The following ITGB4 variants were observed in gnomAD, a reference collection of about 807,000 sequenced individuals.
ITGB4 encodes the protein integrin subunit beta 4, also known as integrin beta-4.
ITGB4 carries 159 observed loss-of-function variants against 207.6 expected under a neutral mutation model. The observed-to-expected ratio is 0.77, with a 90% CI of 0.67 to 0.87. The LOEUF (loss-of-function observed/expected upper bound fraction) is 0.87. Ranked by LOEUF, ITGB4 falls within the 40% of genes least tolerant of loss-of-function variation. The pLI, the probability that ITGB4 is intolerant of heterozygous loss-of-function variation, is 0.00. For missense variants in ITGB4, 2,278 were observed against 2,546.8 expected, an observed-to-expected ratio of 0.89 and a Z score of 2.27; for synonymous variants, 1,020 against 1,062.7, an observed-to-expected ratio of 0.96 and a Z score of 0.78.
rs2061089081 is a variant in ITGB4, at chr17:75,740,734, C to T, written c.2551-59C>T. ...CTGCCTGGCTCCCTGGGTCCCCAGC[C>T]TGAGGGCTTGCCACGGGGTGGCCTA... On this transcript the variant is annotated intron_variant, in intron 21 of 39. Coordinates refer to ENST00000200181, the MANE Select transcript of ITGB4 (RefSeq NM_000213.5). This position sits in a 1 kb window ranked among gnomAD's most constrained non-coding sequence, Gnocchi z 5.9. The T allele has an allele frequency of 2.5e-6, 4 of 1,589,084 alleles. No individual in the cohort carries two copies. The highest frequency in any genetic ancestry group is 4.4e-4 in the Middle Eastern group (2 of 4,544).
rs759189560 is a variant in ITGB4, at chr17:75,757,556, C to T, written c.*1C>T. On this transcript the variant is annotated 3_prime_UTR_variant, in exon 40 of 40. Coordinates refer to ENST00000200181, the MANE Select transcript of ITGB4 (RefSeq NM_000213.5). Reference sequence around the variant, plus strand: ...GGACCAACAGTTCTTCCAAACTTGACCGCACCCTGCCCCACCCCCGCCACG... The same window carrying T: ...GGACCAACAGTTCTTCCAAACTTGATCGCACCCTGCCCCACCCCCGCCACG... 32 of 1,613,378 alleles carry T rather than the reference C, an allele frequency of 2.0e-5. 1 individual carries two copies. The South Asian group carries it at 3.5e-4, about 18-fold the overall frequency.
Position 75,731,243 on chromosome 17 carries a change from T to C in ITGB4, c.1093-3T>C, listed in dbSNP as rs1346166575. The C allele has an allele frequency of 1.2e-6, 2 of 1,613,284 alleles. No homozygotes were observed. Among genetic ancestry groups the C allele is most frequent in the Admixed American group, 1.7e-5 (1 of 60,018 alleles). On this transcript the variant is annotated splice_region_variant and splice_polypyrimidine_tract_variant and intron_variant, in intron 9 of 39. Transcript: ENST00000200181. This position sits in a 1 kb window ranked among gnomAD's most constrained non-coding sequence, Gnocchi z 6.8. ...GCACTGATCAACCTCCTTCCTCCTT[T>C]AGCGGATCCGCTCCAACCTGGACAT...
rs149558612 is a variant in ITGB4 at position 75,736,082 on chromosome 17, G to T, written c.1689G>T (p.Val563=). ...DRGRCSMGQC[V]CEPGWTGPSC... Reference sequence around the variant, plus strand: ...GACGCTGCTCCATGGGCCAGTGTGTGTGTGAGCCTGGTTGGACAGGCCCAA... The same window carrying T: ...GACGCTGCTCCATGGGCCAGTGTGTTTGTGAGCCTGGTTGGACAGGCCCAA... Residue 563 remains valine (V), a synonymous_variant, in exon 14 of 40, where the codon GTG becomes GTT. Transcript: ENST00000200181. The T allele has an allele frequency of 2.5e-6, 4 of 1,614,064 alleles. No homozygotes were observed. In the African/African-American group the frequency reaches 5.3e-5, roughly 22 times the overall value.
chr17:75,736,142 C>G lies in ITGB4; in HGVS notation c.1749C>G (p.Ile583Met), dbSNP rs144302042. 1.2e-6 allele frequency: 2 copies of G among 1,614,078 alleles called. No individual in the cohort carries two copies. Among genetic ancestry groups the G allele is most frequent in the East Asian group, 4.5e-5 (2 of 44,886 alleles). Residue 583 changes from isoleucine (I) to methionine (M), a missense_variant, in exon 14 of 40, where the codon ATC (isoleucine) becomes ATG (methionine). By Grantham distance (10) the Ile-to-Met change is conservative. Coordinates refer to ENST00000200181, the MANE Select transcript of ITGB4 (RefSeq NM_000213.5). ...GTCCCCTCAGCAATGCCACCTGCAT[C>G]GACAGCAATGGGGTAGGCCTGGGCA... ...CDCPLSNATCIDSNGGICNGR... is the reference protein window; with the variant it reads ...CDCPLSNATCMDSNGGICNGR...
intron 13 of ITGB4, among the ~76,000 whole-genome samples, chr17:75,735,764 G>A (rs2060961744): frequency 6.6e-6 from 1 of 152,136 alleles, no homozygotes; most frequent in Admixed American, 6.6e-5. Context: ...TGACCTTATT[G>A]CATTGGCAGG....
chr17:75,734,130 T>G lies in ITGB4; in HGVS notation c.1657+438T>G, dbSNP rs924240561. 3.4e-4 allele frequency among the ~76,000 whole-genome samples: 29 copies of G among 84,880 alleles called. No individual in the cohort carries two copies. The East Asian group carries it at 4.1e-3, about 12-fold the overall frequency. 55.7% of individuals were successfully genotyped at this position (84,880 alleles called of 152,430 possible). A position where few individuals can be genotyped will look rare whatever the true frequency, so the allele number is the denominator to read the frequency against. On this transcript the variant is annotated intron_variant, in intron 13 of 39. Coordinates refer to ENST00000200181, the MANE Select transcript of ITGB4 (RefSeq NM_000213.5). ...GTTTTTTGTTGTTGTTGCTGCTGTTTTTTTTTTTTTTTTTTTTTTTTTTGA... is the reference window on the plus strand; with the variant it reads ...GTTTTTTGTTGTTGTTGCTGCTGTTGTTTTTTTTTTTTTTTTTTTTTTTGA...
Position 75,740,467 on chromosome 17 carries a change from G to A in ITGB4, c.2550+6G>A, listed in dbSNP as rs745501439. 1 of 1,611,760 alleles carries A rather than the reference G, an allele frequency of 6.2e-7. No homozygotes were observed. The highest frequency in any genetic ancestry group is 1.1e-5 in the South Asian group (1 of 90,942). Reference sequence around the variant, plus strand: ...GCCAGGAGGTGGAGGAGAACGTAAGGACCCAGGAACTAGGCCTGGCCGGAG... The same window carrying A: ...GCCAGGAGGTGGAGGAGAACGTAAGAACCCAGGAACTAGGCCTGGCCGGAG... On this transcript the variant is annotated splice_donor_region_variant and intron_variant, in intron 21 of 39. Transcript: ENST00000200181. The surrounding 1 kb of genome is among the most constrained non-coding windows in gnomAD (Gnocchi z 5.9).
intron 35 of ITGB4, 34 bp downstream of exon 35, chr17:75,755,884 A>T (rs923113902): frequency 6.9e-6 from 11 of 1,591,826 alleles, no homozygotes; most frequent in Middle Eastern, 2.2e-4. Context: ...TGCGGGGTGC[A>T]GCCCTGCAAG....
At chr17:75,755,990 C>T (rs1599320126) in intron 35 of ITGB4, 140 bp downstream of exon 35, 4 of 1,052,104 alleles carry the variant, frequency 3.8e-6, no homozygotes, top group Middle Eastern at 3.0e-4. Context: ...CTGAGAGGGT[C>T]TCCCACCCCA....
chr17:75,743,279 C>T (rs556898332), intron 25 of ITGB4, among the ~76,000 whole-genome samples: 9 of 152,188 alleles, frequency 5.9e-5, no homozygotes, highest in African/African-American at 1.9e-4. Context: ...GCCACCCAGG[C>T]TGGAGTGCAA....
In ITGB4 at chr17:75,730,944, C is replaced by G; in HGVS notation, c.1072C>G (p.Leu358Val). The change falls in exon 9 of 40, where the codon CTG (leucine) becomes GTG (valine). Residue 358 changes from leucine to valine, a missense_variant. By Grantham distance (32) the Leu-to-Val change is conservative. Coordinates refer to ENST00000200181, the MANE Select transcript of ITGB4 (RefSeq NM_000213.5). ...GGAGGACTCGTCCAACATCGTGGAG[C>G]TGCTGGAGGAGGCCTTCAATGTGAG... ...LQEDSSNIVE[L>V]LEEAFNRIRS... 1 of 1,613,704 alleles carries G rather than the reference C, an allele frequency of 6.2e-7. No homozygotes were observed. The highest frequency in any genetic ancestry group is 8.5e-7 in the Non-Finnish European group (1 of 1,179,808).
At chr17:75,753,667 A>G in intron 32 of ITGB4, 98 bp from the exon 33 acceptor site, 1 of 768,202 alleles carries the variant, frequency 1.3e-6, no homozygotes, top group Non-Finnish European at 1.8e-6. Flanking sequence ...GGAGCTGGAG[A>G]CGGGCTCCCC....
At position 75,727,717 on chromosome 17, in the gene ITGB4, C is replaced by A. The variant is rs141385926; in HGVS notation, c.331C>A (p.Arg111=). ...MSPQGLRVRL[R]PGEERHFELE... is the part of the protein sequence containing the mutation. ...CCCCCAAGGCCTGCGGGTCCGTCTG[C>A]GGCCCGGTGAGGAGCGGCATTTTGA... is the stretch of plus-strand genomic sequence containing the variant. Residue 111 remains arginine, a synonymous_variant, in exon 5 of 40, where the codon CGG becomes AGG. Coordinates refer to ENST00000200181, the MANE Select transcript of ITGB4 (RefSeq NM_000213.5). This position sits in a 1 kb window ranked among gnomAD's most constrained non-coding sequence, Gnocchi z 6.0. The A allele has an allele frequency of 6.2e-7, 1 of 1,613,388 alleles. No homozygotes were observed. The highest frequency in any genetic ancestry group is 1.1e-5 in the South Asian group (1 of 90,938).
intron 2 of ITGB4, among the ~76,000 whole-genome samples, chr17:75,726,820 TC>T (rs1404813272): frequency 2.0e-5 from 3 of 152,074 alleles, no homozygotes; most frequent in Non-Finnish European, 4.4e-5. Flanking sequence ...CCACCTGTAA[TC>T]CCAGCACTTT....
rs149642617 is a variant in ITGB4, at chr17:75,745,173, A to T, written c.3111+1312A>T. On this transcript the variant is annotated intron_variant, in intron 26 of 39. Coordinates refer to ENST00000200181, the MANE Select transcript of ITGB4 (RefSeq NM_000213.5). ...TTTGGGAGGCTAAGGTGGGAGAATC[A>T]CTTAAACCCAGGAGTTCAAGACCAG... 4.6e-5 allele frequency among the ~76,000 whole-genome samples: 7 copies of T among 152,168 alleles called. No homozygotes were observed. In the East Asian group the frequency reaches 1.4e-3, roughly 30 times the overall value.
rs563535727 is a variant in ITGB4, at chr17:75,754,061, C to T, written c.4318+87C>T. 128 of 609,980 alleles carry T rather than the reference C, an allele frequency of 2.1e-4. No homozygotes were observed. The African/African-American group carries it at 2.3e-3, about 11-fold the overall frequency. 37.8% of individuals were successfully genotyped at this position (609,980 alleles called of 1,614,324 possible). ...CCTGGGGTGGGCGTCTGCGCTGCCT[C>T]GGGGGCCCCAGTTTCAGCCAGGCCC... On this transcript the variant is annotated intron_variant, in intron 33 of 39. Coordinates refer to ENST00000200181, the MANE Select transcript of ITGB4 (RefSeq NM_000213.5).
At chr17:75,747,265 A>T (rs1392714784) in intron 26 of ITGB4, among the ~76,000 whole-genome samples, 1 of 152,078 alleles carries the variant, frequency 6.6e-6, no homozygotes, top group Non-Finnish European at 1.5e-5. Flanking sequence ...GATCACCTGA[A>T]GTCAGGAGTT....
chr17:75,737,713 C>T, intron 18 of ITGB4, 69 bp downstream of exon 18: 1 of 1,291,348 alleles, frequency 7.7e-7, no homozygotes, highest in South Asian at 1.2e-5. Flanking sequence ...CCCCCACCCT[C>T]CACCAGGGTC....
At position 75,731,381 on chromosome 17, in the gene ITGB4, G is replaced by T. The variant is rs755924283; in HGVS notation, c.1215+13G>T. 1.9e-6 allele frequency: 3 copies of T among 1,606,388 alleles called. No homozygotes were observed. In the South Asian group the frequency reaches 3.3e-5, roughly 18 times the overall value. On this transcript the variant is annotated intron_variant, in intron 10 of 39. Transcript: ENST00000200181. This position sits in a 1 kb window ranked among gnomAD's most constrained non-coding sequence, Gnocchi z 6.8. ...GCGGGGGGAAGTGGTACGCCTCTGT[G>T]GGGGCAGCGGGGTGGGGGATAGGCA...
Sources: allele counts gnomAD v4.1 joint callset (sites outside exome capture counted in the v4.1 genomes callset), GRCh38; gene constraint gnomAD v4.1.1; non-coding constraint Gnocchi (gnomAD v3.1); transcripts MANE v1.5; gene names NCBI Gene and HGNC (gene_info 2026-07-23, HGNC 2026-07-21).